Variants in RAD54L2 observed in about 807,000 individuals in gnomAD.
The protein encoded by RAD54L2 is RAD54 like 2.
Under a neutral mutation model 138.4 loss-of-function variants are expected in RAD54L2, and 27 were observed. The ratio of observed to expected loss-of-function variants is 0.20; its 90% CI spans 0.14 to 0.27. The LOEUF is 0.27. Among genes scored for constraint, RAD54L2 ranks in the 10% least tolerant of loss-of-function variants. The probability of loss-of-function intolerance (pLI) is 1.00; values close to 1 mark genes in which losing one functional copy is unlikely to be tolerated. For missense variants in RAD54L2, 1,396 were observed against 1,890.2 expected, an observed-to-expected ratio of 0.74 and a Z score of 4.85; for synonymous variants, 644 against 723.2, an observed-to-expected ratio of 0.89 and a Z score of 1.76.
At chr3:51,610,066 G>A (rs919145902) in intron 3 of RAD54L2, among the ~76,000 whole-genome samples, 2 of 151,962 alleles carry the variant, frequency 1.3e-5, no homozygotes, top group Non-Finnish European at 2.9e-5. Flanking sequence ...AACCCAGGAG[G>A]TGGAGCTTGC....
At chr3:51,623,819 C>CA (rs1266244177) in intron 3 of RAD54L2, among the ~76,000 whole-genome samples, 1 of 150,904 alleles carries the variant, frequency 6.6e-6, no homozygotes, top group Non-Finnish European at 1.5e-5. Flanking sequence ...ACTAAAAATA[C>CA]AAAAAAAATT....
intron 3 of RAD54L2, among the ~76,000 whole-genome samples, chr3:51,617,499 T>C (rs534069777): frequency 1.1e-3 from 162 of 152,252 alleles, no homozygotes; most frequent in Non-Finnish European, 1.9e-3. Context: ...TTTGTATGTC[T>C]CTTTTTGTAA....
intron 19 of RAD54L2, among the ~76,000 whole-genome samples, chr3:51,654,155 C>A (rs950871404): frequency 1.3e-5 from 2 of 151,832 alleles, no homozygotes; most frequent in African/African-American, 4.8e-5. Context: ...TCAAGCAGTT[C>A]TCCTCCCCTA....
At chr3:51,634,125 C>A in intron 9 of RAD54L2, 90 bp downstream of exon 9, 2 of 1,448,028 alleles carry the variant, frequency 1.4e-6, no homozygotes, top group South Asian at 1.4e-5. Flanking sequence ...AGTGTGTAGC[C>A]TGTGCATCTA....
chr3:51,646,167 C>G, intron 18 of RAD54L2, 118 bp from the exon 19 acceptor site: 1 of 888,456 alleles, frequency 1.1e-6, no homozygotes, highest in Non-Finnish European at 1.7e-6. Flanking sequence ...GCCTGTGTAT[C>G]TCTGAGCAGT....
At chr3:51,549,769 C>T (rs1698790484) in intron 2 of RAD54L2, among the ~76,000 whole-genome samples, 1 of 142,776 alleles carries the variant, frequency 7.0e-6, no homozygotes, top group Non-Finnish European at 1.5e-5. Flanking sequence ...CAGAGCGAGT[C>T]TCCATCTCAA....
At chr3:51,542,450 T>C (rs1698576637) in intron 2 of RAD54L2, among the ~76,000 whole-genome samples, 1 of 143,240 alleles carries the variant, frequency 7.0e-6, no homozygotes, top group Non-Finnish European at 1.5e-5. Context: ...TGAGGTTGTC[T>C]TTTTTTTTTT....
chr3:51,616,732 G>C (rs928803559), intron 3 of RAD54L2, among the ~76,000 whole-genome samples: 1 of 152,130 alleles, frequency 6.6e-6, no homozygotes, highest in Non-Finnish European at 1.5e-5. Context: ...GGAGGCTGAG[G>C]CAGGAAAATT....
intron 3 of RAD54L2, among the ~76,000 whole-genome samples, chr3:51,607,266 G>A (rs1476177450): frequency 6.6e-6 from 1 of 151,640 alleles, no homozygotes. Context: ...CTTCCGCAGT[G>A]TTTGTGTCCC....
chr3:51,545,893 G>A (rs1294983233), intron 2 of RAD54L2, among the ~76,000 whole-genome samples: 1 of 151,096 alleles, frequency 6.6e-6, no homozygotes, highest in East Asian at 1.9e-4. Context: ...CCTACTGAAG[G>A]CTGGGTGTTA....
At chr3:51,634,530 C>T (rs766225862) in intron 9 of RAD54L2, among the ~76,000 whole-genome samples, 6 of 151,936 alleles carry the variant, frequency 3.9e-5, no homozygotes, top group Non-Finnish European at 8.8e-5. Flanking sequence ...TCACCATGTC[C>T]GACTAATTTT....
chr3:51,544,951 G>A (rs1179301240), intron 2 of RAD54L2, among the ~76,000 whole-genome samples: 2 of 152,144 alleles, frequency 1.3e-5, no homozygotes, highest in African/African-American at 4.8e-5. Context: ...TTTGCTGCCT[G>A]GTTGGCCTTT....
intron 3 of RAD54L2, among the ~76,000 whole-genome samples, chr3:51,602,731 G>A (rs762111118): frequency 6.6e-6 from 1 of 152,134 alleles, no homozygotes; most frequent in Non-Finnish European, 1.5e-5. Flanking sequence ...AGGCATTGTC[G>A]TGGGCATTGG....
At chr3:51,565,276 G>A (rs774053751) in intron 2 of RAD54L2, among the ~76,000 whole-genome samples, 12 of 152,138 alleles carry the variant, frequency 7.9e-5, no homozygotes, top group Non-Finnish European at 1.6e-4. Context: ...CTTAGCTACT[G>A]GGTTGGCGTG....
intron 19 of RAD54L2, among the ~76,000 whole-genome samples, chr3:51,649,635 C>CCAAT (rs1416898685): frequency 1.3e-5 from 2 of 152,138 alleles, no homozygotes; most frequent in African/African-American, 4.8e-5. Context: ...AGAGTGGGGG[C>CCAAT]CAATATTCAA....
At chr3:51,649,360 T>C (rs1454170804) in intron 19 of RAD54L2, among the ~76,000 whole-genome samples, 1 of 152,192 alleles carries the variant, frequency 6.6e-6, no homozygotes, top group East Asian at 1.9e-4. Context: ...GGAACCAAGC[T>C]GGAAAACACT....
chr3:51,581,540 A>G (rs1226808930), intron 2 of RAD54L2, among the ~76,000 whole-genome samples: 1 of 152,182 alleles, frequency 6.6e-6, no homozygotes, highest in Non-Finnish European at 1.5e-5. Context: ...CACAGTTCAT[A>G]CTGAATGTTC....
chr3:51,607,071 TTTTTTTATTTTTTTA>T (rs1234448126), intron 3 of RAD54L2, among the ~76,000 whole-genome samples: 17 of 148,164 alleles, frequency 1.1e-4, no homozygotes, highest in South Asian at 8.4e-4. Flanking sequence ...TCTTTTTATT[TTTTTTTATTTTTTTA>T]TTTTTTATTT....
intron 2 of RAD54L2, among the ~76,000 whole-genome samples, chr3:51,589,019 A>C (rs1220363406): frequency 3.9e-5 from 6 of 152,134 alleles, no homozygotes; most frequent in African/African-American, 1.4e-4. Flanking sequence ...ACCAGCCCTA[A>C]GTATTCCCTG....
Sources: allele counts gnomAD v4.1 joint callset (sites outside exome capture counted in the v4.1 genomes callset), GRCh38; gene constraint gnomAD v4.1.1; transcripts MANE v1.5; gene names NCBI Gene and HGNC (gene_info 2026-07-23, HGNC 2026-07-21).